STXBP5L: variants seen among roughly 807,000 people sequenced by gnomAD.
The protein encoded by STXBP5L is syntaxin-binding protein 5-like.
STXBP5L carries 65 observed loss-of-function variants against 144.5 expected under a neutral mutation model. The observed-to-expected ratio is 0.45, with a 90% CI of 0.37 to 0.55. The LOEUF (loss-of-function observed/expected upper bound fraction) is 0.55. Ranked by LOEUF, STXBP5L falls within the 20% of genes least tolerant of loss-of-function variation. The probability of loss-of-function intolerance (pLI) is 0.00; values close to 1 mark genes in which losing one functional copy is unlikely to be tolerated. For missense variants in STXBP5L, 1,298 were observed against 1,405.5 expected (o/e 0.92, Z 1.22); for synonymous variants, 505 against 469.6 (o/e 1.08, Z -0.97).
At chr3:121,274,951 G>A (rs1480811929) in intron 18 of STXBP5L, among the ~76,000 whole-genome samples, 1 of 152,164 alleles carries the variant, frequency 6.6e-6, no homozygotes, top group Non-Finnish European at 1.5e-5. Context: ...ATAACCCAAG[G>A]TAAGAGAGCA....
intron 3 of STXBP5L, among the ~76,000 whole-genome samples, chr3:120,995,067 G>T (rs770121884): frequency 6.6e-6 from 1 of 152,022 alleles, no homozygotes; most frequent in Non-Finnish European, 1.5e-5. Flanking sequence ...GATATATTAA[G>T]ACATTTACCA....
chr3:121,185,020 G>A (rs1171307956), intron 9 of STXBP5L, among the ~76,000 whole-genome samples: 1 of 152,080 alleles, frequency 6.6e-6, no homozygotes, highest in Non-Finnish European at 1.5e-5. Context: ...TGCTGATATT[G>A]CCACCACCAG....
At chr3:121,298,048 A>T (rs1002696835) in intron 19 of STXBP5L, among the ~76,000 whole-genome samples, 1 of 152,046 alleles carries the variant, frequency 6.6e-6, no homozygotes, top group East Asian at 1.9e-4. Flanking sequence ...TTTTTGATGA[A>T]CCTCATTGCT....
intron 5 of STXBP5L, among the ~76,000 whole-genome samples, chr3:121,096,031 T>C (rs1356672040): frequency 4.6e-5 from 7 of 152,196 alleles, no homozygotes; most frequent in Admixed American, 4.6e-4. Context: ...TGCAATTCCC[T>C]GACCCCTTGT....
intron 3 of STXBP5L, among the ~76,000 whole-genome samples, chr3:120,991,650 C>T (rs556181026): frequency 6.6e-6 from 1 of 152,232 alleles, no homozygotes; most frequent in South Asian, 2.1e-4. Context: ...ACTGTGCAGC[C>T]ATAAAAAATG....
At position 121,283,347 on chromosome 3, in the gene STXBP5L, C is replaced by T. The variant is rs73855359; in HGVS notation, c.2110+3391C>T. 7.8e-3 allele frequency among the ~76,000 whole-genome samples: 1,189 copies of T among 152,040 alleles called. 13 individuals carry two copies. The highest frequency in any genetic ancestry group is 0.028 in the African/African-American group (1,146 of 41,482). ...AATCCTTAAAATGTTCCTGGGAATG[C>T]CTAGAAGTTGAGTAATTTTTGCTCA... On this transcript the variant is annotated intron_variant, in intron 19 of 26. Transcript: ENST00000471454.
chr3:121,325,613 G>GA (rs1192104022), intron 20 of STXBP5L, among the ~76,000 whole-genome samples: 3 of 151,738 alleles, frequency 2.0e-5, no homozygotes, highest in Non-Finnish European at 4.4e-5. Context: ...TGAAACATCA[G>GA]AAAAAATATA....
chr3:121,025,528 T>C (rs908544524), intron 3 of STXBP5L, among the ~76,000 whole-genome samples: 4 of 152,106 alleles, frequency 2.6e-5, no homozygotes, highest in Non-Finnish European at 5.9e-5. Flanking sequence ...CTTTAAATTG[T>C]ACAGACTTTC....
At chr3:121,346,684 G>A (rs537015195) in intron 20 of STXBP5L, among the ~76,000 whole-genome samples, 1 of 152,266 alleles carries the variant, frequency 6.6e-6, no homozygotes, top group South Asian at 2.1e-4. Flanking sequence ...GTTTTGATTT[G>A]CATTGCTCTG....
intron 7 of STXBP5L, among the ~76,000 whole-genome samples, chr3:121,136,216 G>C (rs2045250761): frequency 6.6e-6 from 1 of 152,148 alleles, no homozygotes; most frequent in Admixed American, 6.5e-5. Flanking sequence ...TCATTCACTT[G>C]GCGAAGGAAA....
intron 3 of STXBP5L, 121 bp downstream of exon 3, chr3:120,955,158 C>CTA: frequency 1.4e-6 from 1 of 718,970 alleles, no homozygotes; most frequent in Non-Finnish European, 2.2e-6. Flanking sequence ...AAATGAGTAA[C>CTA]TATTGTGAAA....
chr3:121,079,652 G>A (rs1016066548), intron 5 of STXBP5L, among the ~76,000 whole-genome samples: 1 of 152,214 alleles, frequency 6.6e-6, no homozygotes. Context: ...TCCTTTTGGA[G>A]TTGATTTCCA....
At chr3:121,064,296 C>G (rs1327842083) in intron 5 of STXBP5L, among the ~76,000 whole-genome samples, 1 of 152,216 alleles carries the variant, frequency 6.6e-6, no homozygotes, top group Non-Finnish European at 1.5e-5. Context: ...CCTCGATGGT[C>G]TGCACCAACT....
chr3:121,009,344 G>T (rs944516695), intron 3 of STXBP5L, among the ~76,000 whole-genome samples: 2 of 151,890 alleles, frequency 1.3e-5, no homozygotes, highest in East Asian at 1.9e-4. Flanking sequence ...TTATTTTCTA[G>T]ACTCCTGACC....
Position 121,325,863 on chromosome 3 carries a change from C to G in STXBP5L, c.2176+7323C>G, listed in dbSNP as rs376070833. Among the ~76,000 whole-genome samples the G allele has an allele frequency of 3.3e-5, 5 of 151,868 alleles. No individual in the cohort carries two copies. In the East Asian group the frequency reaches 7.7e-4, roughly 23 times the overall value. On this transcript the variant is annotated intron_variant, in intron 20 of 26. Coordinates refer to ENST00000471454, the MANE Select transcript of STXBP5L (RefSeq NM_001308330.2). ...TTTTGTATGAATGGAGAAATTATGG[C>G]TAAGAAAAGATTCTATAGCTTTCCC...
At position 121,006,253 on chromosome 3, in the gene STXBP5L, A is replaced by G. The variant is rs186458653; in HGVS notation, c.288-35447A>G. 3.3e-3 allele frequency among the ~76,000 whole-genome samples: 495 copies of G among 152,288 alleles called. 1 individual carries two copies. Among genetic ancestry groups the G allele is most frequent in the African/African-American group, 0.011 (470 of 41,540 alleles). On this transcript the variant is annotated intron_variant, in intron 3 of 26. Transcript: ENST00000471454. ...GGGTGCCCCTGTATTGGGTGCATAT[A>G]TATTTAGGATAGTTAGCTCTTCTTG...
chr3:121,371,891 G>A lies in STXBP5L; in HGVS notation c.2177-6825G>A, dbSNP rs117279820. Among the ~76,000 whole-genome samples the A allele has an allele frequency of 5.9e-5, 9 of 152,334 alleles. No individual in the cohort carries two copies. The East Asian group carries it at 1.2e-3, about 20-fold the overall frequency. ...TGCCAATGCTTCAACAACAATGGTG[G>A]TACCGCTGGGAGAAGTGGGACAAGG... On this transcript the variant is annotated intron_variant, in intron 20 of 26. Coordinates refer to ENST00000471454, the MANE Select transcript of STXBP5L (RefSeq NM_001308330.2).
intron 3 of STXBP5L, among the ~76,000 whole-genome samples, chr3:120,955,960 T>C (rs1937984480): frequency 6.6e-6 from 1 of 152,044 alleles, no homozygotes; most frequent in South Asian, 2.1e-4. Context: ...TATTGTTGCA[T>C]GTATCAATAG....
intron 3 of STXBP5L, among the ~76,000 whole-genome samples, chr3:120,993,352 T>C (rs1943077095): frequency 1.3e-5 from 2 of 152,130 alleles, no homozygotes; most frequent in Admixed American, 6.6e-5. Context: ...TTGTTGCGTA[T>C]GCTTTTACAG....
Sources: allele counts gnomAD v4.1 joint callset (sites outside exome capture counted in the v4.1 genomes callset), GRCh38; gene constraint gnomAD v4.1.1; transcripts MANE v1.5; gene names NCBI Gene and HGNC (gene_info 2026-07-23, HGNC 2026-07-21).